The following DSCAML1 variants were observed in gnomAD, a reference collection of about 807,000 sequenced individuals.
The protein encoded by DSCAML1 is DS cell adhesion molecule like 1.
Under a neutral mutation model 200.5 loss-of-function variants are expected in DSCAML1, and 38 were observed. That is an observed-to-expected ratio of 0.19 (90% CI 0.15 to 0.25). DSCAML1 has a LOEUF of 0.25. Among genes scored for constraint, DSCAML1 ranks in the 10% least tolerant of loss-of-function variants. DSCAML1 has a pLI of 1.00. For missense variants in DSCAML1, 2,223 were observed against 2,858.8 expected (o/e 0.78, Z 5.07); for synonymous variants, 1,215 against 1,165.0 (o/e 1.04, Z -0.87).
intron 1 of DSCAML1, among the ~76,000 whole-genome samples, chr11:117,810,997 C>T (rs2055756204): frequency 6.6e-6 from 1 of 152,192 alleles, no homozygotes; most frequent in Non-Finnish European, 1.5e-5. Context: ...CCATTTCTTC[C>T]TCAGCCTCCG....
chr11:117,428,868 C>T, intron 32 of DSCAML1, 65 bp from the exon 33 acceptor site: 1 of 1,443,542 alleles, frequency 6.9e-7, no homozygotes, highest in Non-Finnish European at 9.4e-7. Context: ...CTCGTTCAGC[C>T]CCCACCCCAT....
chr11:117,635,436 C>T lies in DSCAML1; in HGVS notation c.512-102914G>A, dbSNP rs74707775. Among the ~76,000 whole-genome samples the T allele has an allele frequency of 6.1e-3, 915 of 149,180 alleles. 8 individuals carry two copies. Among genetic ancestry groups the T allele is most frequent in the African/African-American group, 0.02 (785 of 39,500 alleles). On this transcript the variant is annotated intron_variant, in intron 3 of 32. Coordinates refer to ENST00000651296, the MANE Select transcript of DSCAML1 (RefSeq NM_020693.4). ...TTTATGGCTTTAAGTGCAGAACGTC[C>T]TAGTGTGTGTGGTGTGTGTGTGTGT... is the stretch of plus-strand genomic sequence containing the variant.
intron 3 of DSCAML1, among the ~76,000 whole-genome samples, chr11:117,674,809 GTGACTTTGGGCAAATCAGA>G (rs1283288324): frequency 6.6e-6 from 1 of 152,084 alleles, no homozygotes; most frequent in Non-Finnish European, 1.5e-5. Context: ...TACCAGCTGG[GTGACTTTGGGCAAATCAGA>G]TGACCTCTCT....
At chr11:117,710,884 C>T (rs1047637369) in intron 3 of DSCAML1, among the ~76,000 whole-genome samples, 6 of 152,240 alleles carry the variant, frequency 3.9e-5, no homozygotes, top group East Asian at 3.9e-4. Flanking sequence ...AAGAGCACAT[C>T]GAGCCCTAAG....
intron 21 of DSCAML1, among the ~76,000 whole-genome samples, chr11:117,440,814 G>A (rs998227427): frequency 2.0e-5 from 3 of 151,524 alleles, no homozygotes; most frequent in Admixed American, 6.6e-5. Flanking sequence ...CCAGCTACTC[G>A]GGAGGCTGAG....
chr11:117,746,317 G>A (rs1357827245), intron 3 of DSCAML1, among the ~76,000 whole-genome samples: 1 of 151,944 alleles, frequency 6.6e-6, no homozygotes, highest in Non-Finnish European at 1.5e-5. Flanking sequence ...TGTGTTAGGT[G>A]CCTTGGATAT....
At chr11:117,629,372 A>G (rs1344225690) in intron 3 of DSCAML1, among the ~76,000 whole-genome samples, 1 of 152,122 alleles carries the variant, frequency 6.6e-6, no homozygotes, top group Non-Finnish European at 1.5e-5. Context: ...CTGCTCCCCA[A>G]GCTGGGAGGC....
At chr11:117,671,593 T>C (rs922095569) in intron 3 of DSCAML1, among the ~76,000 whole-genome samples, 1 of 152,072 alleles carries the variant, frequency 6.6e-6, no homozygotes, top group Non-Finnish European at 1.5e-5. Context: ...CATCAGGGGG[T>C]ATCAATAAGT....
rs2055205499 is a variant in DSCAML1, at chr11:117,780,140, A to G, written c.364+353T>C. ...AGGCTCTGTCTCAAAAAGCAAAAAG[A>G]AAGAGAGAGAGAGAGAGAGAAAGAA... is the stretch of plus-strand genomic sequence containing the variant. On this transcript the variant is annotated intron_variant, in intron 2 of 32. Transcript: ENST00000651296. This position sits in a 1 kb window ranked among gnomAD's most constrained non-coding sequence, Gnocchi z 4.8. Among the ~76,000 whole-genome samples the G allele has an allele frequency of 6.7e-6, 1 of 149,786 alleles. No individual in the cohort carries two copies.
At chr11:117,617,208 T>C (rs1192994769) in intron 3 of DSCAML1, among the ~76,000 whole-genome samples, 1 of 152,150 alleles carries the variant, frequency 6.6e-6, no homozygotes, top group Non-Finnish European at 1.5e-5. Context: ...TGTTTCAGAC[T>C]GTCCTAAGGA....
intron 11 of DSCAML1, among the ~76,000 whole-genome samples, chr11:117,485,436 G>A (rs2049026918): frequency 6.6e-6 from 1 of 152,198 alleles, no homozygotes; most frequent in African/African-American, 2.4e-5. Flanking sequence ...GCTAGTTCAG[G>A]GGAGCCCGTT....
chr11:117,488,255 A>G (rs549265241), intron 11 of DSCAML1, among the ~76,000 whole-genome samples: 1 of 152,250 alleles, frequency 6.6e-6, no homozygotes, highest in East Asian at 1.9e-4. Context: ...TGGCTGCTGT[A>G]CTGCTGGGCT....
At chr11:117,788,296 T>TTTG (rs747137807) in intron 1 of DSCAML1, among the ~76,000 whole-genome samples, 21 of 152,036 alleles carry the variant, frequency 1.4e-4, no homozygotes, top group Non-Finnish European at 2.5e-4. Context: ...TTTGGTTTGT[T>TTTG]TTGTTGTTGT....
At chr11:117,716,820 C>T (rs1237368081) in intron 3 of DSCAML1, among the ~76,000 whole-genome samples, 3 of 152,148 alleles carry the variant, frequency 2.0e-5, no homozygotes, top group African/African-American at 4.8e-5. Context: ...CAGCCATGCC[C>T]GCTCACCCAT....
At chr11:117,531,938 A>AGGAGGGAG (rs59560691) in intron 4 of DSCAML1, among the ~76,000 whole-genome samples, 1 of 82,388 alleles carries the variant, frequency 1.2e-5, no homozygotes, top group East Asian at 4.1e-4. Flanking sequence ...GGGAGGAGGG[A>AGGAGGGAG]GGAGGGAGGG....
chr11:117,592,223 C>T (rs1314261782), intron 3 of DSCAML1, among the ~76,000 whole-genome samples: 2 of 152,140 alleles, frequency 1.3e-5, no homozygotes, highest in East Asian at 1.9e-4. Flanking sequence ...TCTGCTCATC[C>T]TAGCCCATCA....
chr11:117,602,038 C>T (rs2051475174), intron 3 of DSCAML1, among the ~76,000 whole-genome samples: 1 of 152,268 alleles, frequency 6.6e-6, no homozygotes, highest in Admixed American at 6.5e-5. Flanking sequence ...ACCTGCAAAG[C>T]CCAAGCTTGT....
intron 3 of DSCAML1, among the ~76,000 whole-genome samples, chr11:117,594,518 A>G (rs965551430): frequency 6.6e-6 from 1 of 152,240 alleles, no homozygotes; most frequent in African/African-American, 2.4e-5. Flanking sequence ...CTCCAGGAAC[A>G]GTCAGGTCTG....
At chr11:117,514,883 T>C (rs2049726283) in intron 8 of DSCAML1, among the ~76,000 whole-genome samples, 2 of 152,196 alleles carry the variant, frequency 1.3e-5, no homozygotes, top group African/African-American at 4.8e-5. Flanking sequence ...CACCCGGCCT[T>C]TCTTAACTTT....
Sources: gnomAD v4.1 joint callset for allele counts (sites outside exome capture counted in the v4.1 genomes callset) on GRCh38, gnomAD v4.1.1 for gene constraint, Gnocchi (gnomAD v3.1) non-coding constraint, MANE v1.5 for transcripts, NCBI Gene and HGNC (gene_info 2026-07-23, HGNC 2026-07-21) for gene names.